The following ADAMTS18 variants were observed in gnomAD, a reference collection of about 807,000 sequenced individuals.
ADAMTS18 encodes the protein ADAM metallopeptidase with thrombospondin type 1 motif 18, also known as A disintegrin and metalloproteinase with thrombospondin motifs 18.
ADAMTS18 carries 157 observed loss-of-function variants against 165.9 expected under a neutral mutation model. The ratio of observed to expected loss-of-function variants is 0.95; its 90% CI spans 0.83 to 1.08. ADAMTS18 has a LOEUF of 1.08. Ranked by LOEUF, ADAMTS18 falls within the 50% of genes least tolerant of loss-of-function variation. ADAMTS18 has a pLI of 0.00. For missense variants in ADAMTS18, 2,040 were observed against 1,534.0 expected, an observed-to-expected ratio of 1.33 and a Z score of -5.51; for synonymous variants, 782 against 578.2, an observed-to-expected ratio of 1.35 and a Z score of -5.06.
intron 3 of ADAMTS18, among the ~76,000 whole-genome samples, chr16:77,390,710 A>G (rs2057174955): frequency 6.6e-6 from 1 of 151,882 alleles, no homozygotes; most frequent in South Asian, 2.1e-4. Flanking sequence ...AAAAAAAAAA[A>G]AAGAAGAATC....
chr16:77,362,302 C>A (rs1347566293), intron 6 of ADAMTS18, 38 bp from the exon 7 acceptor site: 2 of 1,609,832 alleles, frequency 1.2e-6, no homozygotes, highest in Admixed American at 3.3e-5. Context: ...GTGAATTTGT[C>A]ACAGAGATGA....
At chr16:77,400,500 G>A (rs1011482419) in intron 3 of ADAMTS18, among the ~76,000 whole-genome samples, 2 of 86,158 alleles carry the variant, frequency 2.3e-5, no homozygotes, top group African/African-American at 8.4e-5. Context: ...TTTTTTTTTT[G>A]AGACGGAGTC....
intron 10 of ADAMTS18, among the ~76,000 whole-genome samples, chr16:77,353,109 A>C (rs1320920032): frequency 6.7e-6 from 1 of 150,222 alleles, no homozygotes; most frequent in Non-Finnish European, 1.5e-5. Flanking sequence ...CAACAACAAC[A>C]AATTTACTTT....
chr16:77,286,878 A>G (rs533935676), intron 22 of ADAMTS18, among the ~76,000 whole-genome samples: 2 of 152,170 alleles, frequency 1.3e-5, no homozygotes, highest in East Asian at 3.8e-4. Context: ...AATTTTATGT[A>G]TAATATGTAC....
Position 77,431,591 on chromosome 16 carries a change from C to T in ADAMTS18, c.199G>A (p.Val67Ile). 1.2e-6 allele frequency: 2 copies of T among 1,614,164 alleles called. No individual in the cohort carries two copies. Among genetic ancestry groups the T allele is most frequent in the Non-Finnish European group, 8.5e-7 (1 of 1,180,006 alleles). Residue 67 changes from valine (V) to isoleucine (I), a missense_variant, in exon 3 of 23, where the codon GTA becomes ATA. Transcript: ENST00000282849. ...TATGACCCGGCTGAGTCTACTTCTA[C>T]TGGCGTGACAAAGACGTAATCTGCA... ...LNDDYVFVTP[V>I]EVDSAGSYIS...
At chr16:77,375,436 T>A (rs1198229620) in intron 3 of ADAMTS18, among the ~76,000 whole-genome samples, 1 of 151,948 alleles carries the variant, frequency 6.6e-6, no homozygotes, top group African/African-American at 2.4e-5. Flanking sequence ...GATAAAATAA[T>A]AGAAGGGGTG....
Position 77,321,128 on chromosome 16 carries a change from T to G in ADAMTS18, c.2238A>C (p.Ser746=), listed in dbSNP as rs768535843. 6.2e-7 allele frequency: 1 copy of G among 1,614,160 alleles called. No individual in the cohort carries two copies. The highest frequency in any genetic ancestry group is 1.1e-5 in the South Asian group (1 of 91,088). The part of the protein sequence containing the change: ...DACGVCKGDN[S]TCKFYKGLYL... ...ACAGGCCTTTATAAAACTTGCAAGT[T>G]GAATTATCACCTTTGCAAACGCCAC... Residue 746 remains serine, a synonymous_variant, in exon 15 of 23, where the codon TCA becomes TCC. Transcript: ENST00000282849.
At chr16:77,356,416 C>T (rs2056631009) in intron 8 of ADAMTS18, among the ~76,000 whole-genome samples, 1 of 152,124 alleles carries the variant, frequency 6.6e-6, no homozygotes, top group Non-Finnish European at 1.5e-5. Context: ...TAGTTTCAAA[C>T]AGTAGAATTC....
chr16:77,340,155 C>T (rs1454574586), intron 11 of ADAMTS18, among the ~76,000 whole-genome samples: 2 of 152,060 alleles, frequency 1.3e-5, no homozygotes, highest in Non-Finnish European at 2.9e-5. Context: ...ATATGTTTCC[C>T]CTGCTAGACT....
At chr16:77,322,109 C>T (rs1359211312) in intron 14 of ADAMTS18, among the ~76,000 whole-genome samples, 4 of 135,332 alleles carry the variant, frequency 3.0e-5, no homozygotes, top group Non-Finnish European at 4.6e-5. Flanking sequence ...GAGCTAAGAT[C>T]GCACCATTGC....
At chr16:77,401,728 A>G (rs1474454170) in intron 3 of ADAMTS18, among the ~76,000 whole-genome samples, 1 of 152,246 alleles carries the variant, frequency 6.6e-6, no homozygotes, top group Non-Finnish European at 1.5e-5. Context: ...ATTCACCCTC[A>G]CTGACACAGA....
chr16:77,305,092 G>A (rs2055657690), intron 16 of ADAMTS18, among the ~76,000 whole-genome samples: 1 of 138,558 alleles, frequency 7.2e-6, no homozygotes, highest in East Asian at 2.1e-4. Context: ...CCTTGTAAAG[G>A]AAGTAAAAAC....
intron 3 of ADAMTS18, among the ~76,000 whole-genome samples, chr16:77,429,393 T>C (rs1567560772): frequency 1.3e-5 from 2 of 152,120 alleles, no homozygotes; most frequent in African/African-American, 4.8e-5. Context: ...TGAGAACTCA[T>C]GAACACAAAG....
chr16:77,305,565 TC>T (rs1296886295), intron 16 of ADAMTS18, among the ~76,000 whole-genome samples: 3 of 152,212 alleles, frequency 2.0e-5, no homozygotes, highest in African/African-American at 7.2e-5. Flanking sequence ...ATGAAGCTAG[TC>T]CTGCCCAGCT....
intron 3 of ADAMTS18, among the ~76,000 whole-genome samples, chr16:77,369,084 A>T (rs896284759): frequency 6.6e-6 from 1 of 152,222 alleles, no homozygotes; most frequent in Non-Finnish European, 1.5e-5. Context: ...CTCACCCAGG[A>T]ACCTGTGGGA....
intron 8 of ADAMTS18, among the ~76,000 whole-genome samples, chr16:77,357,979 A>T (rs575752968): frequency 1.3e-5 from 2 of 152,200 alleles, no homozygotes; most frequent in African/African-American, 4.8e-5. Flanking sequence ...TTTTTCAATG[A>T]CCAGTATTTT....
At position 77,372,011 on chromosome 16, in the gene ADAMTS18, T is replaced by A. The variant is rs188712839; in HGVS notation, c.496-4288A>T. ...AAGACATATACATGGCCAACAGGGG[T>A]ATATGAAAAAAATGCTCAACATCAC... On this transcript the variant is annotated intron_variant, in intron 3 of 22. Transcript: ENST00000282849. 1.4e-3 allele frequency among the ~76,000 whole-genome samples: 219 copies of A among 151,664 alleles called. 2 individuals carry two copies. The highest frequency in any genetic ancestry group is 4.9e-3 in the African/African-American group (204 of 41,322).
chr16:77,416,975 C>A (rs12443792), intron 3 of ADAMTS18, among the ~76,000 whole-genome samples: 2 of 152,052 alleles, frequency 1.3e-5, no homozygotes, highest in African/African-American at 2.4e-5. Context: ...TAAGATTACT[C>A]GGTATTTATA....
chr16:77,378,702 G>C (rs1170275785), intron 3 of ADAMTS18, among the ~76,000 whole-genome samples: 1 of 151,982 alleles, frequency 6.6e-6, no homozygotes, highest in Admixed American at 6.6e-5. Flanking sequence ...GTGACAGAGT[G>C]AAACTGTGTC....
Sources: gnomAD v4.1 joint callset for allele counts (sites outside exome capture counted in the v4.1 genomes callset) on GRCh38, gnomAD v4.1.1 for gene constraint, MANE v1.5 for transcripts, NCBI Gene and HGNC (gene_info 2026-07-23, HGNC 2026-07-21) for gene names.